KCNJ3: variants seen among roughly 807,000 people sequenced by gnomAD.
KCNJ3 encodes the protein potassium inwardly rectifying channel subfamily J member 3.
KCNJ3 carries 4 observed loss-of-function variants against 39.2 expected under a neutral mutation model. The observed-to-expected ratio is 0.10, with a 90% CI of 0.05 to 0.23. KCNJ3 has a LOEUF of 0.23. Ranked by LOEUF, KCNJ3 falls within the 10% of genes least tolerant of loss-of-function variation. The probability of loss-of-function intolerance (pLI) is 1.00; values close to 1 mark genes in which losing one functional copy is unlikely to be tolerated. For synonymous variants in KCNJ3, 230 were observed against 237.4 expected, an observed-to-expected ratio of 0.97 and a Z score of 0.29; for missense variants, 276 against 634.9, an observed-to-expected ratio of 0.43 and a Z score of 6.08.
intron 2 of KCNJ3, among the ~76,000 whole-genome samples, chr2:154,785,323 G>A (rs972888919): frequency 3.9e-5 from 6 of 152,134 alleles, no homozygotes; most frequent in African/African-American, 1.4e-4. Flanking sequence ...TTCTTCTGAG[G>A]ACCCTCCTCC....
At chr2:154,766,534 ATTAT>A (rs922894402) in intron 2 of KCNJ3, among the ~76,000 whole-genome samples, 25 of 151,614 alleles carry the variant, frequency 1.6e-4, no homozygotes, top group Non-Finnish European at 2.9e-4. Context: ...TTATTTATAT[ATTAT>A]TTATTTGTTT....
chr2:154,727,140 A>G (rs928314043), intron 2 of KCNJ3, among the ~76,000 whole-genome samples: 1 of 152,118 alleles, frequency 6.6e-6, no homozygotes, highest in Admixed American at 6.6e-5. Context: ...ACCAAACACC[A>G]CTGTTCAAAA....
intron 2 of KCNJ3, among the ~76,000 whole-genome samples, chr2:154,831,950 T>C (rs753203768): frequency 6.6e-6 from 1 of 152,110 alleles, no homozygotes; most frequent in Non-Finnish European, 1.5e-5. Context: ...TTCCCAGTCA[T>C]GGCGGAAGGT....
At chr2:154,740,959 A>C (rs1685643441) in intron 2 of KCNJ3, among the ~76,000 whole-genome samples, 2 of 151,976 alleles carry the variant, frequency 1.3e-5, no homozygotes, top group East Asian at 3.9e-4. Flanking sequence ...TTCACTCAGC[A>C]CAATATAGGT....
intron 2 of KCNJ3, among the ~76,000 whole-genome samples, chr2:154,772,639 G>A (rs1437896227): frequency 6.6e-6 from 1 of 152,090 alleles, no homozygotes; most frequent in Non-Finnish European, 1.5e-5. Context: ...AAAAGAATAT[G>A]TACTGTGTAA....
At chr2:154,720,980 CA>C (rs1291646906) in intron 2 of KCNJ3, among the ~76,000 whole-genome samples, 1 of 151,668 alleles carries the variant, frequency 6.6e-6, no homozygotes, top group Non-Finnish European at 1.5e-5. Context: ...TTATCGGCTC[CA>C]AAAATGTTTC....
intron 1 of KCNJ3, among the ~76,000 whole-genome samples, chr2:154,707,035 C>A (rs2105149333): frequency 6.6e-6 from 1 of 152,096 alleles, no homozygotes; most frequent in Middle Eastern, 3.4e-3. Flanking sequence ...GGAAGAAGGA[C>A]CTGGACAATA....
In KCNJ3 at chr2:154,746,629, T is replaced by C. The variant is rs1248575798; in HGVS notation, c.919+36810T>C. 5.1e-5 allele frequency among the ~76,000 whole-genome samples: 7 copies of C among 137,622 alleles called. No homozygotes were observed. The East Asian group carries it at 1.2e-3, about 24-fold the overall frequency. The allele number at this position is 137,622 out of a possible 152,430, so 90.3% of individuals were successfully genotyped here. A position where few individuals can be genotyped will look rare whatever the true frequency, so the allele number is the denominator to read the frequency against. The stretch of plus-strand genomic sequence containing the variant: ...ACACAGATATATATATATATATATA[T>C]ATGTATATATGTGTATATATATGTG... On this transcript the variant is annotated intron_variant, in intron 2 of 2. Coordinates refer to ENST00000295101, the MANE Select transcript of KCNJ3 (RefSeq NM_002239.4).
At chr2:154,713,586 C>G (rs1223963990) in intron 2 of KCNJ3, among the ~76,000 whole-genome samples, 1 of 152,186 alleles carries the variant, frequency 6.6e-6, no homozygotes, top group East Asian at 1.9e-4. Flanking sequence ...TTTGGAAGTA[C>G]TCCTCATTGA....
At chr2:154,721,585 A>G (rs774668759) in intron 2 of KCNJ3, among the ~76,000 whole-genome samples, 6 of 152,062 alleles carry the variant, frequency 3.9e-5, no homozygotes, top group Admixed American at 6.6e-5. Context: ...TCAGCTTTGG[A>G]AAGGATATTT....
chr2:154,724,553 A>G (rs1289923437), intron 2 of KCNJ3, among the ~76,000 whole-genome samples: 5 of 151,976 alleles, frequency 3.3e-5, no homozygotes, highest in Non-Finnish European at 7.4e-5. Context: ...GCAGTGAGCA[A>G]GCAAAAGTGA....
At position 154,798,188 on chromosome 2, in the gene KCNJ3, GCACACA is replaced by G. The variant is rs57495585; in HGVS notation, c.920-56511_920-56506del. Among the ~76,000 whole-genome samples, 619 of 114,808 alleles carry G rather than the reference GCACACA, an allele frequency of 5.4e-3. 6 individuals carry two copies. The highest frequency in any genetic ancestry group is 0.018 in the African/African-American group (568 of 32,366). 75.3% of individuals were successfully genotyped at this position (114,808 alleles called of 152,430 possible). A position where few individuals can be genotyped will look rare whatever the true frequency, so the allele number is the denominator to read the frequency against. On this transcript the variant is annotated intron_variant, in intron 2 of 2. Coordinates refer to ENST00000295101, the MANE Select transcript of KCNJ3 (RefSeq NM_002239.4). ...CACAAATACCCATCATTCGAACACC[GCACACA>G]CACACACACACACACACACACACAC...
At position 154,845,504 on chromosome 2, in the gene KCNJ3, T is replaced by G. The variant is rs187998965; in HGVS notation, c.920-9223T>G. On this transcript the variant is annotated intron_variant, in intron 2 of 2. Coordinates refer to ENST00000295101, the MANE Select transcript of KCNJ3 (RefSeq NM_002239.4). ...ATATTGTAGTTATATAGTTAAGATA[T>G]TTTGAAAGCTAAAAATTGTATCTTA... Among the ~76,000 whole-genome samples the G allele has an allele frequency of 3.5e-3, 527 of 152,338 alleles. 2 individuals are homozygous for G. Among genetic ancestry groups the G allele is most frequent in the Middle Eastern group, 6.8e-3 (2 of 294 alleles).
chr2:154,785,190 T>A (rs900871286), intron 2 of KCNJ3, among the ~76,000 whole-genome samples: 1 of 152,086 alleles, frequency 6.6e-6, no homozygotes, highest in African/African-American at 2.4e-5. Context: ...TGTGGTAAAG[T>A]CATTGTGTTA....
chr2:154,807,959 C>A (rs1374617890), intron 2 of KCNJ3, among the ~76,000 whole-genome samples: 2 of 152,034 alleles, frequency 1.3e-5, no homozygotes, highest in Non-Finnish European at 2.9e-5. Context: ...TCTCTCTGTA[C>A]TCCCCCAGCA....
At chr2:154,708,156 T>C (rs556801536) in intron 1 of KCNJ3, among the ~76,000 whole-genome samples, 4 of 152,212 alleles carry the variant, frequency 2.6e-5, no homozygotes, top group East Asian at 3.9e-4. Context: ...AGAAGAAAAA[T>C]AGTCTCCCTT....
chr2:154,731,280 C>T (rs777435761), intron 2 of KCNJ3, among the ~76,000 whole-genome samples: 7 of 151,906 alleles, frequency 4.6e-5, no homozygotes, highest in African/African-American at 7.3e-5. Flanking sequence ...GTGGAGTTGC[C>T]GTATCATGAA....
intron 2 of KCNJ3, among the ~76,000 whole-genome samples, chr2:154,752,677 A>G (rs916347617): frequency 2.0e-5 from 3 of 152,038 alleles, no homozygotes; most frequent in Non-Finnish European, 4.4e-5. Context: ...TACAATTTGT[A>G]AGATTCTATG....
chr2:154,787,151 G>T (rs1574462377), intron 2 of KCNJ3, among the ~76,000 whole-genome samples: 1 of 152,138 alleles, frequency 6.6e-6, no homozygotes, highest in East Asian at 1.9e-4. Flanking sequence ...GGAAAGAAAA[G>T]AACTTTTAAT....
Sources: gnomAD v4.1 joint callset for allele counts (sites outside exome capture counted in the v4.1 genomes callset) on GRCh38, gnomAD v4.1.1 for gene constraint, MANE v1.5 for transcripts, NCBI Gene and HGNC (gene_info 2026-07-23, HGNC 2026-07-21) for gene names.